The following LMF1 variants were observed in gnomAD, a reference collection of about 807,000 sequenced individuals.
The protein encoded by LMF1 is lipase maturation factor 1, also known as transmembrane protein 112.
LMF1 carries 68 observed loss-of-function variants against 60.6 expected under a neutral mutation model. The ratio of observed to expected loss-of-function variants is 1.12; its 90% CI spans 0.92 to 1.37. The LOEUF (loss-of-function observed/expected upper bound fraction) is 1.37. Among genes scored for constraint, LMF1 ranks in the 40% most tolerant of loss-of-function variants. The pLI, the probability that LMF1 is intolerant of heterozygous loss-of-function variation, is 0.00. For missense variants in LMF1, 948 were observed against 767.2 expected, an observed-to-expected ratio of 1.24 and a Z score of -2.78; for synonymous variants, 418 against 324.7, an observed-to-expected ratio of 1.29 and a Z score of -3.09.
In LMF1 at chr16:935,856, G is replaced by A. The variant is rs1019105375; in HGVS notation, c.504-1602C>T. On this transcript the variant is annotated intron_variant, in intron 2 of 10. Transcript: ENST00000262301. ...CTGTGATTTTCCACCTTGACATTAC[G>A]ATAAAAGCACAGCAAAGGCCATGAC... is the stretch of plus-strand genomic sequence containing the variant. Among the ~76,000 whole-genome samples the A allele has an allele frequency of 1.1e-4, 16 of 152,102 alleles. 1 individual carries two copies. The highest frequency in any genetic ancestry group is 7.9e-4 in the Admixed American group (12 of 15,274).
chr16:965,432 GC>G (rs1223562588), intron 1 of LMF1, among the ~76,000 whole-genome samples: 2 of 151,956 alleles, frequency 1.3e-5, no homozygotes, highest in African/African-American at 4.8e-5. Flanking sequence ...CTACAAGAGA[GC>G]AAAAAAAAGA....
chr16:934,239 C>T lies in LMF1; in HGVS notation c.514+5G>A, dbSNP rs1389012504. On this transcript the variant is annotated splice_donor_5th_base_variant and intron_variant, in intron 3 of 10. Transcript: ENST00000262301. ...CAGAGCTTTCTCTAAATGCATCTCA[C>T]TTACCGAAAGAGTACCTGAAAAACA... 2.5e-6 allele frequency: 4 copies of T among 1,599,416 alleles called. No individual in the cohort carries two copies. The South Asian group carries it at 3.3e-5, about 13-fold the overall frequency.
intron 4 of LMF1, chr16:899,652 T>C (rs368840912): frequency 6.6e-6 from 1 of 152,246 alleles, no homozygotes; most frequent in African/African-American, 2.4e-5. Context: ...AAGTCAGGTC[T>C]TGATGTCGGC....
At chr16:971,112 C>G (rs895202498), upstream of LMF1, 8 of 989,140 alleles carry the variant, frequency 8.1e-6, no homozygotes, top group African/African-American at 1.7e-5. Context: ...AGGCCCCGCT[C>G]ACAGTCCCGG....
intron 10 of LMF1, among the ~76,000 whole-genome samples, chr16:856,399 T>C (rs886777343): frequency 1.3e-5 from 2 of 152,272 alleles, no homozygotes; most frequent in Admixed American, 1.3e-4. Flanking sequence ...CGCTGGGCTG[T>C]GCGGGCAGCA....
chr16:948,340 T>A (rs1463431852), intron 2 of LMF1, among the ~76,000 whole-genome samples: 4 of 104,124 alleles, frequency 3.8e-5, no homozygotes, highest in Admixed American at 1.1e-4. Flanking sequence ...AACGACAGAG[T>A]CAGAGCCAAT....
At chr16:944,854 G>A (rs1401585792) in intron 2 of LMF1, among the ~76,000 whole-genome samples, 6 of 152,082 alleles carry the variant, frequency 3.9e-5, no homozygotes, top group Admixed American at 2.6e-4. Flanking sequence ...TGCCCCTTTG[G>A]TGCACCTTGA....
intron 3 of LMF1, among the ~76,000 whole-genome samples, chr16:914,374 C>A (rs1230601234): frequency 1.3e-5 from 2 of 152,124 alleles, no homozygotes; most frequent in African/African-American, 4.8e-5. Context: ...CCACACCCGA[C>A]CTTCCTGCTC....
chr16:959,501 A>C (rs545773273), intron 1 of LMF1, among the ~76,000 whole-genome samples: 1 of 152,290 alleles, frequency 6.6e-6, no homozygotes, highest in South Asian at 2.1e-4. Flanking sequence ...GCATTACACG[A>C]GATGAACTTC....
chr16:887,961 C>T lies in LMF1; in HGVS notation c.729+5046G>A, dbSNP rs374871012. The stretch of plus-strand genomic sequence containing the variant: ...GCCCCAGGCAGATCCAGGGGACCCC[C>T]GCCCTGGTCAGGCAGCTCCCTGAGG... On this transcript the variant is annotated intron_variant, in intron 5 of 10. Transcript: ENST00000262301. Among the ~76,000 whole-genome samples the T allele has an allele frequency of 8.8e-4, 134 of 152,262 alleles. 2 individuals are homozygous for T. In the East Asian group the frequency reaches 0.023, roughly 26 times the overall value.
intron 10 of LMF1, among the ~76,000 whole-genome samples, chr16:859,222 GC>G (rs762717408): frequency 0.053 from 3,302 of 62,680 alleles, no homozygotes; most frequent in Non-Finnish European, 0.062. Flanking sequence ...GGACGGGTGT[GC>G]AGTGGTGTCA....
At chr16:976,642 C>T (rs1210111700) in intron 1 of LMF1, 3 of 453,996 alleles carry the variant, frequency 6.6e-6, no homozygotes, top group East Asian at 1.4e-4. Context: ...GCTGTTGGCG[C>T]CCCCCACCCC....
chr16:864,895 T>C lies in LMF1; in HGVS notation c.1529+4049A>G, dbSNP rs548435161. 4.6e-5 allele frequency among the ~76,000 whole-genome samples: 7 copies of C among 152,334 alleles called. No individual in the cohort carries two copies. In the East Asian group the frequency reaches 1.4e-3, roughly 29 times the overall value. ...GCCTCAGCTCCCAAAGTGCTGACAT[T>C]ACAGGAGTGAGCCACTGCACCTGGC... On this transcript the variant is annotated intron_variant, in intron 10 of 10. Coordinates refer to ENST00000262301, the MANE Select transcript of LMF1 (RefSeq NM_022773.4).
At chr16:884,274 A>G (rs1042567734) in intron 5 of LMF1, 1 of 152,248 alleles carries the variant, frequency 6.6e-6, no homozygotes, top group Non-Finnish European at 1.5e-5. Flanking sequence ...GAATAGTACT[A>G]CAAACTACAC....
chr16:859,316 GC>G (rs67038821), intron 10 of LMF1, among the ~76,000 whole-genome samples: 30 of 2,926 alleles, frequency 0.01, 2 homozygotes, highest in Non-Finnish European at 0.014. Context: ...GGACGGGTGT[GC>G]AGTGTTGTCA....
chr16:869,582 C>CT, intron 9 of LMF1: 1 of 629,302 alleles, frequency 1.6e-6, no homozygotes, highest in South Asian at 1.5e-5. Flanking sequence ...CAGCTGCTGG[C>CT]TAACTTTTGT....
chr16:959,667 A>G (rs11248957), intron 1 of LMF1, among the ~76,000 whole-genome samples: 74,579 of 152,124 alleles, frequency 0.49, 20,360 homozygotes, highest in African/African-American at 0.74. Context: ...TGGAGACCGC[A>G]AGGCCAGAAG....
At chr16:971,139 A>C, upstream of LMF1, 1 of 700,092 alleles carries the variant, frequency 1.4e-6, no homozygotes, top group East Asian at 3.5e-5. Flanking sequence ...CGCCCCCTCC[A>C]GCCGGCCCCG....
intron 1 of LMF1, among the ~76,000 whole-genome samples, chr16:966,819 T>A (rs1032720128): frequency 6.6e-6 from 1 of 152,198 alleles, no homozygotes; most frequent in Non-Finnish European, 1.5e-5. Context: ...TGAGCCCCAC[T>A]ACTTCCACCT....
Sources: gnomAD v4.1 joint callset for allele counts (sites outside exome capture counted in the v4.1 genomes callset) on GRCh38, gnomAD v4.1.1 for gene constraint, MANE v1.5 for transcripts, NCBI Gene and HGNC (gene_info 2026-07-23, HGNC 2026-07-21) for gene names.